RAF1: variants seen among roughly 807,000 people sequenced by gnomAD.
RAF1 encodes RAF proto-oncogene serine/threonine-protein kinase.
A neutral mutation model predicts 81.1 loss-of-function variants in RAF1; 27 were observed. The observed-to-expected ratio is 0.33, with a 90% confidence interval of 0.25 to 0.46. The LOEUF (loss-of-function observed/expected upper bound fraction) is 0.46. Ranked by LOEUF, RAF1 falls within the 20% of genes least tolerant of loss-of-function variation. RAF1 has a pLI of 1.00. For missense variants in RAF1, 598 were observed against 826.0 expected (o/e 0.72, Z 3.38); for synonymous variants, 298 against 294.0 (o/e 1.01, Z -0.14).
chr3:12,584,740 A>G (rs2125318413), intron 17 of RAF1, 83 bp from the exon 17 acceptor site: 1 of 1,612,650 alleles, frequency 6.2e-7, no homozygotes, highest in East Asian at 2.2e-5. Flanking sequence ...CTTGTAGAGG[A>G]CCTGGGTCCC....
intron 2 of RAF1, among the ~76,000 whole-genome samples, chr3:12,616,218 GA>G (rs1293198808): frequency 1.3e-5 from 2 of 152,100 alleles, no homozygotes; most frequent in African/African-American, 4.8e-5. Context: ...TTTAAATTGG[GA>G]TTTTCTTGTT....
At chr3:12,592,630 TG>T (rs1448305068) in intron 11 of RAF1, among the ~76,000 whole-genome samples, 1 of 151,984 alleles carries the variant, frequency 6.6e-6, no homozygotes, top group Non-Finnish European at 1.5e-5. Flanking sequence ...CCTATAACAC[TG>T]ACAACTGATT....
At chr3:12,661,880 A>T (rs995769677) in intron 1 of RAF1, among the ~76,000 whole-genome samples, 2 of 151,652 alleles carry the variant, frequency 1.3e-5, no homozygotes, top group African/African-American at 2.4e-5. Context: ...TTGATATAAA[A>T]CACTTATCAA....
At chr3:12,626,882 G>C (rs1471237888) in intron 1 of RAF1, among the ~76,000 whole-genome samples, 1 of 151,918 alleles carries the variant, frequency 6.6e-6, no homozygotes, top group African/African-American at 2.4e-5. Context: ...AAATTAGCCA[G>C]GGTTGGTGCT....
chr3:12,584,349 G>A lies in RAF1; in HGVS notation c.*165C>T. ...CCTTCTCCCAGGGCCCAAAGGGATA[G>A]AAAAGAAGGCAACATGAAGTTAAGG... On this transcript the variant is annotated 3_prime_UTR_variant, in exon 18 of 18. Coordinates refer to ENST00000442415, the MANE Select transcript of RAF1 (RefSeq NM_001354689.3). 2 of 849,846 alleles carry A rather than the reference G, an allele frequency of 2.4e-6. No individual in the cohort carries two copies. Among genetic ancestry groups the A allele is most frequent in the East Asian group, 2.7e-5 (1 of 37,408 alleles). The allele number at this position is 849,846 out of a possible 1,614,324, so 52.6% of individuals were successfully genotyped here. A position where few individuals can be genotyped will look rare whatever the true frequency, so the allele number is the denominator to read the frequency against.
chr3:12,654,595 G>C (rs1232514533), intron 1 of RAF1, among the ~76,000 whole-genome samples: 2 of 150,974 alleles, frequency 1.3e-5, no homozygotes, highest in African/African-American at 4.9e-5. Flanking sequence ...GAGTGAGACT[G>C]TGTCACTCAC....
intron 8 of RAF1, among the ~76,000 whole-genome samples, chr3:12,601,469 T>A (rs371653141): frequency 1.1e-4 from 17 of 152,206 alleles, no homozygotes; most frequent in East Asian, 5.8e-4. Context: ...TAAACCCCAA[T>A]CTAAAATTCA....
At chr3:12,602,720 A>G (rs1303867307) in intron 8 of RAF1, among the ~76,000 whole-genome samples, 3 of 152,192 alleles carry the variant, frequency 2.0e-5, no homozygotes, top group Non-Finnish European at 4.4e-5. Context: ...AGGACTAATC[A>G]TAATGATAAA....
At chr3:12,638,758 G>A (rs1177944095) in intron 1 of RAF1, among the ~76,000 whole-genome samples, 1 of 152,154 alleles carries the variant, frequency 6.6e-6, no homozygotes, top group African/African-American at 2.4e-5. Context: ...ATGTAAAAAT[G>A]GGCATGGTGG....
intron 8 of RAF1, among the ~76,000 whole-genome samples, chr3:12,601,513 T>TA (rs1017398378): frequency 1.3e-5 from 2 of 152,118 alleles, no homozygotes; most frequent in African/African-American, 4.8e-5. Flanking sequence ...TAGAATAATA[T>TA]AAAACCACTT....
intron 1 of RAF1, among the ~76,000 whole-genome samples, chr3:12,625,145 G>A (rs143149145): frequency 0.015 from 2,238 of 151,878 alleles, 32 homozygotes; most frequent in Admixed American, 0.044. Context: ...GTGCAGTGGC[G>A]CAATCTCTGC....
intron 11 of RAF1, 33 bp from the exon 11 acceptor site, chr3:12,591,825 T>C (rs1480176158): frequency 1.4e-6 from 2 of 1,464,602 alleles, no homozygotes; most frequent in Non-Finnish European, 1.9e-6. Context: ...GTGCAATCAG[T>C]TGAATGATCT....
chr3:12,652,011 AAAATAAATAAATAAATAAAT>A (rs58806427), intron 1 of RAF1, among the ~76,000 whole-genome samples: 36 of 136,716 alleles, frequency 2.6e-4, no homozygotes, highest in Non-Finnish European at 4.3e-4. Flanking sequence ...CTCCATCTCT[AAAATAAATAAATAAATAAAT>A]AAATAAATAA....
In RAF1 at chr3:12,652,048, AAATAAATG is replaced by A. The variant is rs1202194649; in HGVS notation, c.-27+11757_-27+11764del. ...TAAATAAATAAATAAATAAATAAAT[AAATAAATG>A]ATATAAAAAATTAGCTGGGCAGGGT... On this transcript the variant is annotated intron_variant, in intron 1 of 17. Transcript: ENST00000442415. 3.5e-4 allele frequency among the ~76,000 whole-genome samples: 41 copies of A among 118,306 alleles called. 1 individual carries two copies. The highest frequency in any genetic ancestry group is 7.8e-4 in the Admixed American group (9 of 11,500). The allele number at this position is 118,306 out of a possible 152,430, so 77.6% of individuals were successfully genotyped here.
chr3:12,585,362 T>C, intron 15 of RAF1, 109 bp from the exon 15 acceptor site: 1 of 1,565,514 alleles, frequency 6.4e-7, no homozygotes, highest in South Asian at 1.2e-5. Flanking sequence ...AGTCCATTCT[T>C]CAGTCCCCAC....
At chr3:12,649,536 C>CGGAGGT (rs1179409435) in intron 1 of RAF1, among the ~76,000 whole-genome samples, 1 of 151,782 alleles carries the variant, frequency 6.6e-6, no homozygotes, top group Non-Finnish European at 1.5e-5. Flanking sequence ...GAGTTTGAGG[C>CGGAGGT]TGCAGTGAGC....
At chr3:12,590,751 C>T (rs1266329820) in intron 13 of RAF1, 47 bp downstream of exon 12, 11 of 1,565,522 alleles carry the variant, frequency 7.0e-6, no homozygotes, top group Non-Finnish European at 9.7e-6. Flanking sequence ...AATTTAGGGA[C>T]AAATTTGATG....
intron 1 of RAF1, among the ~76,000 whole-genome samples, chr3:12,651,341 T>C (rs538663572): frequency 8.3e-4 from 126 of 152,312 alleles, no homozygotes; most frequent in Non-Finnish European, 1.3e-3. Flanking sequence ...TTTTTTAAGA[T>C]ACACAAATTG....
intron 1 of RAF1, among the ~76,000 whole-genome samples, chr3:12,657,319 A>T (rs914764532): frequency 6.6e-6 from 1 of 152,220 alleles, no homozygotes; most frequent in African/African-American, 2.4e-5. Flanking sequence ...TAGGATACAT[A>T]AGAATTCACA....
Sources: allele counts gnomAD v4.1 joint callset (sites outside exome capture counted in the v4.1 genomes callset), GRCh38; gene constraint gnomAD v4.1.1; transcripts MANE v1.5; gene names NCBI Gene and HGNC (gene_info 2026-07-23, HGNC 2026-07-21).